SACS: variants seen among roughly 807,000 people sequenced by gnomAD.
SACS encodes the protein sacsin.
SACS carries 197 observed loss-of-function variants against 348.0 expected under a neutral mutation model. The ratio of observed to expected loss-of-function variants is 0.57; its 90% confidence interval spans 0.50 to 0.64. SACS has a LOEUF of 0.64. Ranked by LOEUF, SACS falls within the 30% of genes least tolerant of loss-of-function variation. The pLI is 0.00. For synonymous variants in SACS, 1,985 were observed against 1,910.6 expected (o/e 1.04, Z -1.02); for missense variants, 4,999 against 5,360.8 (o/e 0.93, Z 2.11).
At chr13:23,390,247 A>G (rs1243210529) in intron 2 of SACS, among the ~76,000 whole-genome samples, 5 of 152,202 alleles carry the variant, frequency 3.3e-5, no homozygotes. Context: ...AACTTATAGT[A>G]AAGGTTCACA....
rs748153989 is a variant in SACS, at chr13:23,334,230, C to A, written c.9646G>T (p.Asp3216Tyr). The change falls in exon 10 of 10, where the codon GAT becomes TAT. Residue 3216 changes from aspartate (D) to tyrosine (Y), a missense_variant. Physicochemically the swap from Asp to Tyr is radical, Grantham distance 160. Around this residue, in one of 6 missense-constraint regions of SACS, gnomAD observed 734 missense variants for 694.0 expected, o/e 1.06. Transcript: ENST00000382292. The stretch of plus-strand genomic sequence containing the variant: ...CGAGGCAACACAGAGGATAACAAAT[C>A]AGCAAAGCTGGAAATGTCAAACACT... ...AKVFDISSFA[D>Y]LLSSVLPREY... The A allele has an allele frequency of 6.2e-7, 1 of 1,613,630 alleles. No individual in the cohort carries two copies. The highest frequency in any genetic ancestry group is 8.5e-7 in the Non-Finnish European group (1 of 1,179,752).
chr13:23,389,661 G>C (rs1304654790), intron 2 of SACS, among the ~76,000 whole-genome samples: 4 of 152,184 alleles, frequency 2.6e-5, no homozygotes, highest in African/African-American at 9.7e-5. Context: ...GACGGAATAC[G>C]TGTACAAGGG....
chr13:23,406,091 T>C (rs542612889), intron 2 of SACS, among the ~76,000 whole-genome samples: 13 of 152,294 alleles, frequency 8.5e-5, no homozygotes, highest in African/African-American at 1.7e-4. Context: ...CGTATGTTTA[T>C]TGCAGCTCTG....
chr13:23,371,063 A>G lies in SACS; in HGVS notation c.259+15T>C. 6.6e-7 allele frequency: 1 copy of G among 1,511,180 alleles called. No homozygotes were observed. The highest frequency in any genetic ancestry group is 1.2e-5 in the South Asian group (1 of 86,258). The allele number at this position is 1,511,180 out of a possible 1,614,324, so 93.6% of individuals were successfully genotyped here. ...CCCAACATGGTATATACTTCTGGTA[A>G]AGTCAATATTATACCTCCCCCTTTT... is the stretch of plus-strand genomic sequence containing the variant. On this transcript the variant is annotated intron_variant, in intron 4 of 9. Coordinates refer to ENST00000382292, the MANE Select transcript of SACS (RefSeq NM_014363.6).
intron 3 of SACS, among the ~76,000 whole-genome samples, chr13:23,372,355 T>C (rs1293607669): frequency 1.3e-5 from 2 of 152,180 alleles, no homozygotes; most frequent in East Asian, 3.8e-4. Context: ...ATGATAAGCA[T>C]ATTCTCAACA....
intron 1 of SACS, among the ~76,000 whole-genome samples, chr13:23,420,035 T>TGTTCATCTGGGACCTGGC (rs1873860132): frequency 7.7e-6 from 1 of 130,282 alleles, no homozygotes; most frequent in Non-Finnish European, 1.8e-5. Flanking sequence ...TGGGTCCTGA[T>TGTTCATCTGGGACCTGGC]GTTCATCTGG....
rs1440541889 is a variant in SACS at position 23,355,005 on chromosome 13, G to A, written c.1607C>T (p.Pro536Leu). Residue 536 changes from proline (P) to leucine (L), a missense_variant, in exon 8 of 10, where the codon CCG becomes CTG. Pro to Leu is a moderately conservative substitution (Grantham distance 98). Coordinates refer to ENST00000382292, the MANE Select transcript of SACS (RefSeq NM_014363.6). Reference protein sequence around the residue: ...LSVDVIYKLWPEASKVKVHWQ... With the variant: ...LSVDVIYKLWLEASKVKVHWQ... ...GTGCACCTTGACTTTGCTCGCCTCC[G>A]GCCAAAGCTTATAGATAACATCAAC... The A allele has an allele frequency of 3.7e-6, 6 of 1,614,070 alleles. No homozygotes were observed. The highest frequency in any genetic ancestry group is 2.2e-5 in the East Asian group (1 of 44,894).
intron 9 of SACS, among the ~76,000 whole-genome samples, chr13:23,349,879 C>T (rs1362336309): frequency 6.6e-6 from 1 of 152,168 alleles, no homozygotes; most frequent in African/African-American, 2.4e-5. Context: ...TTTTTAATCT[C>T]TGCTACACTA....
At position 23,330,278 on chromosome 13, in the gene SACS, C is replaced by CT; in HGVS notation, c.13597dup (p.Ser4533LysfsTer8). 6.2e-7 allele frequency: 1 copy of CT among 1,614,194 alleles called. No homozygotes were observed. The highest frequency in any genetic ancestry group is 8.5e-7 in the Non-Finnish European group (1 of 1,180,002). The stretch of plus-strand genomic sequence containing the variant: ...CAAATCAGGGTATCTTGTTTTTAAA[C>CT]TGTCTACACCATAAGCTTCCAATGT... On this transcript the variant is annotated frameshift_variant, in exon 10 of 10. Coordinates refer to ENST00000382292, the MANE Select transcript of SACS (RefSeq NM_014363.6). LOFTEE classifies it high-confidence loss of function.
intron 1 of SACS, among the ~76,000 whole-genome samples, chr13:23,429,945 C>T (rs1175328564): frequency 6.6e-6 from 1 of 152,060 alleles, no homozygotes; most frequent in African/African-American, 2.4e-5. Flanking sequence ...GCTGGGCTCA[C>T]GCCTGTAATC....
intron 3 of SACS, 85 bp from the exon 4 acceptor site, chr13:23,371,250 TTAAG>T: frequency 1.4e-6 from 1 of 702,854 alleles, no homozygotes; most frequent in East Asian, 3.0e-5. Flanking sequence ...ATTTTTTCAC[TTAAG>T]TAATGCTTGT....
chr13:23,392,841 T>C (rs1020438733), intron 2 of SACS, among the ~76,000 whole-genome samples: 9 of 152,168 alleles, frequency 5.9e-5, no homozygotes, highest in Non-Finnish European at 8.8e-5. Flanking sequence ...CAGGCCCTTC[T>C]CTCCCCTCTC....
At chr13:23,344,494 C>T (rs1292648122) in intron 9 of SACS, among the ~76,000 whole-genome samples, 1 of 152,020 alleles carries the variant, frequency 6.6e-6, no homozygotes, top group Non-Finnish European at 1.5e-5. Flanking sequence ...AGTAAGACAC[C>T]GGTATACGTA....
chr13:23,417,240 T>C (rs1474951184), intron 1 of SACS, among the ~76,000 whole-genome samples: 1 of 152,094 alleles, frequency 6.6e-6, no homozygotes, highest in Non-Finnish European at 1.5e-5. Flanking sequence ...ACCAGAAAAT[T>C]AAATATCATT....
chr13:23,396,727 A>T (rs945867933), intron 2 of SACS, among the ~76,000 whole-genome samples: 2 of 152,182 alleles, frequency 1.3e-5, no homozygotes, highest in African/African-American at 4.8e-5. Flanking sequence ...TACATGCCTA[A>T]CATGTGTATG....
At chr13:23,341,731 C>CTACTACA in intron 9 of SACS, 41 bp from the exon 10 acceptor site, 1 of 1,442,098 alleles carries the variant, frequency 6.9e-7, no homozygotes, top group African/African-American at 1.4e-5. Context: ...ACATATAATT[C>CTACTACA]TACTACAACA....
rs1316528382 is a variant in SACS at position 23,334,690 on chromosome 13, AAGG to A, written c.9183_9185del (p.Leu3063del). Reference sequence around the variant, plus strand: ...AAACCAAGTTGAAACCAATTTCTAAAAGGAGATGTTTCAGCCTATAGACATTCT... The same window carrying A: ...AAACCAAGTTGAAACCAATTTCTAAAAGATGTTTCAGCCTATAGACATTCT... On this transcript the variant is annotated inframe_deletion, in exon 10 of 10. Transcript: ENST00000382292. 3.7e-6 allele frequency: 6 copies of A among 1,613,634 alleles called. No individual in the cohort carries two copies. The highest frequency in any genetic ancestry group is 5.1e-6 in the Non-Finnish European group (6 of 1,179,774).
Position 23,338,418 on chromosome 13 carries a change from G to A in SACS, c.5458C>T (p.Leu1820=), listed in dbSNP as rs754748296. The A allele has an allele frequency of 1.4e-5, 22 of 1,614,022 alleles. 1 individual carries two copies. The South Asian group carries it at 2.3e-4, about 17-fold the overall frequency. The change falls in exon 10 of 10, where the codon CTG becomes TTG. Residue 1820 remains leucine (L), a synonymous_variant. Coordinates refer to ENST00000382292, the MANE Select transcript of SACS (RefSeq NM_014363.6). ...TCTCCTGTGTCCATGCAAGTACACA[G>A]AAGCCACGTGGTACACTCTACTGTT... The part of the protein sequence containing the change: ...QKTVECTTWL[L]CTCMDTGEAL...
At chr13:23,418,908 T>G (rs1291342405) in intron 1 of SACS, 1 of 152,234 alleles carries the variant, frequency 6.6e-6, no homozygotes, top group Non-Finnish European at 1.5e-5. Context: ...GGTGGGGAGT[T>G]TCTGTGCCCC....
Sources: allele counts gnomAD v4.1 joint callset (sites outside exome capture counted in the v4.1 genomes callset), GRCh38; gene constraint gnomAD v4.1.1; regional missense constraint gnomAD v4.1.1; transcripts MANE v1.5; gene names NCBI Gene and HGNC (gene_info 2026-07-23, HGNC 2026-07-21).